Variants in KCNQ4 observed in about 807,000 individuals in gnomAD.
KCNQ4 encodes potassium voltage-gated channel subfamily Q member 4, also known as potassium voltage-gated channel subfamily KQT member 4.
KCNQ4 carries 31 observed loss-of-function variants against 72.6 expected under a neutral mutation model. The observed-to-expected ratio is 0.43, with a 90% CI of 0.32 to 0.58. The LOEUF is 0.58. Among genes scored for constraint, KCNQ4 ranks in the 20% least tolerant of loss-of-function variants. The probability of loss-of-function intolerance (pLI) is 0.08; values close to 1 mark genes in which losing one functional copy is unlikely to be tolerated. For synonymous variants in KCNQ4, 405 were observed against 403.7 expected (o/e 1.00, Z -0.04); for missense variants, 869 against 962.6 (o/e 0.90, Z 1.29).
chr1:40,835,438 G>T (rs1289307286), intron 12 of KCNQ4, among the ~76,000 whole-genome samples: 1 of 152,204 alleles, frequency 6.6e-6, no homozygotes, highest in African/African-American at 2.4e-5. Context: ...CAAGAGAATA[G>T]GCAAATTGTC....
At chr1:40,792,145 G>T (rs531264313) in intron 1 of KCNQ4, among the ~76,000 whole-genome samples, 1 of 152,260 alleles carries the variant, frequency 6.6e-6, no homozygotes, top group African/African-American at 2.4e-5. Flanking sequence ...TGGGAGCCTC[G>T]GGCCTGTCCA....
chr1:40,831,408 G>A, intron 10 of KCNQ4, 104 bp downstream of exon 10: 1 of 905,626 alleles, frequency 1.1e-6, no homozygotes, highest in Non-Finnish European at 1.7e-6. Flanking sequence ...TCTCAGCTCT[G>A]GAACTGATGG....
chr1:40,795,088 T>G (rs1570803140), intron 1 of KCNQ4, among the ~76,000 whole-genome samples: 1 of 152,190 alleles, frequency 6.6e-6, no homozygotes, highest in Non-Finnish European at 1.5e-5. Flanking sequence ...TCCTGGAGGC[T>G]GTGTGATGCC....
At chr1:40,816,308 G>A (rs1570826173) in intron 1 of KCNQ4, among the ~76,000 whole-genome samples, 1 of 152,116 alleles carries the variant, frequency 6.6e-6, no homozygotes, top group Non-Finnish European at 1.5e-5. Flanking sequence ...CACCTCATTC[G>A]CCTCTGCTGT....
intron 7 of KCNQ4, among the ~76,000 whole-genome samples, chr1:40,821,517 T>C (rs867274373): frequency 2.0e-5 from 3 of 152,158 alleles, no homozygotes; most frequent in Non-Finnish European, 2.9e-5. Context: ...CTGTCTGACT[T>C]TCATCCCTCC....
At position 40,784,147 on chromosome 1, in the gene KCNQ4, C is replaced by A; in HGVS notation, c.54C>A (p.Ala18=). Residue 18 remains alanine, a synonymous_variant, in exon 1 of 14, where the codon GCC becomes GCA. Transcript: ENST00000347132. This position sits in a 1 kb window ranked among gnomAD's most constrained non-coding sequence, Gnocchi z 4.1. ...RLGLGPPPGD[A]PRAELVALTA... is the part of the protein sequence containing the mutation. ...GCCTGGGTCCCCCGCCCGGGGACGC[C>A]CCCCGCGCGGAGCTAGTGGCGCTCA... 1 of 1,040,578 alleles carries A rather than the reference C, an allele frequency of 9.6e-7. No individual in the cohort carries two copies. The highest frequency in any genetic ancestry group is 3.1e-5 in the South Asian group (1 of 32,348). The allele number at this position is 1,040,578 out of a possible 1,614,324, so 64.5% of individuals were successfully genotyped here.
chr1:40,833,833 C>CAAA (rs200163500), intron 11 of KCNQ4, among the ~76,000 whole-genome samples: 6 of 100,682 alleles, frequency 6.0e-5, no homozygotes, highest in Non-Finnish European at 8.0e-5. Flanking sequence ...CTTGTCTTTG[C>CAAA]AAAAAAAAAA....
At chr1:40,815,540 G>A (rs993688475) in intron 1 of KCNQ4, among the ~76,000 whole-genome samples, 1 of 152,166 alleles carries the variant, frequency 6.6e-6, no homozygotes, top group Non-Finnish European at 1.5e-5. Flanking sequence ...AACATGAGGA[G>A]CTGGTGCTCT....
intron 1 of KCNQ4, among the ~76,000 whole-genome samples, chr1:40,814,886 C>CT (rs869140466): frequency 5.0e-5 from 5 of 99,612 alleles, no homozygotes; most frequent in Non-Finnish European, 1.2e-4. Context: ...ATCTGCTTTC[C>CT]TTTTTTTTTA....
chr1:40,789,490 G>C (rs1246417053), intron 1 of KCNQ4, among the ~76,000 whole-genome samples: 1 of 152,090 alleles, frequency 6.6e-6, no homozygotes, highest in Non-Finnish European at 1.5e-5. Context: ...CCTTTTGCTT[G>C]GTCTTTGTAA....
rs1304562650 is a variant in KCNQ4, at chr1:40,784,903, T to C, written c.314+496T>C. Among the ~76,000 whole-genome samples the C allele has an allele frequency of 6.6e-6, 1 of 152,196 alleles. No homozygotes were observed. Among genetic ancestry groups the C allele is most frequent in the East Asian group, 1.9e-4 (1 of 5,172 alleles). Reference sequence around the variant, plus strand: ...TCCTCTCCAGGGCGGCCCTCATTCCTACCCCTGCCCAGCTGACTGTGGGTG... The same window carrying C: ...TCCTCTCCAGGGCGGCCCTCATTCCCACCCCTGCCCAGCTGACTGTGGGTG... On this transcript the variant is annotated intron_variant, in intron 1 of 13. Transcript: ENST00000347132. This position sits in a 1 kb window ranked among gnomAD's most constrained non-coding sequence, Gnocchi z 4.1.
chr1:40,835,031 G>A lies in KCNQ4; in HGVS notation c.1678G>A (p.Asp560Asn). 6.2e-7 allele frequency: 1 copy of A among 1,614,158 alleles called. No homozygotes were observed. The part of the protein sequence containing the change: ...KETLRPYDVK[D>N]VIEQYSAGHL... ...GACACTGCGACCGTACGACGTGAAG[G>A]ACGTCATTGAGCAGTACTCAGCAGG... Residue 560 changes from aspartate to asparagine, a missense_variant, in exon 12 of 14, where the codon GAC becomes AAC. By Grantham distance (23) the Asp-to-Asn change is conservative (BLOSUM62 1). Transcript: ENST00000347132.
In KCNQ4 at chr1:40,784,215, C is replaced by T. The variant is rs1647181326; in HGVS notation, c.122C>T (p.Ser41Phe). Reference protein sequence around the residue: ...SEQGEAGGGGSPRRLGLLGSP... With the variant: ...SEQGEAGGGGFPRRLGLLGSP... ...CAGGGCGAGGCGGGCGGGGGCGGCT[C>T]CCCGCGCCGCCTCGGCCTCCTGGGC... The change falls in exon 1 of 14, where the codon TCC becomes TTC. Residue 41 changes from serine to phenylalanine, a missense_variant. Coordinates refer to ENST00000347132, the MANE Select transcript of KCNQ4 (RefSeq NM_004700.4). The surrounding 1 kb of genome is among the most constrained non-coding windows in gnomAD (Gnocchi z 4.1). 8.6e-7 allele frequency: 1 copy of T among 1,163,766 alleles called. No homozygotes were observed. The highest frequency in any genetic ancestry group is 1.1e-6 in the Non-Finnish European group (1 of 949,440). 72.1% of individuals were successfully genotyped at this position (1,163,766 alleles called of 1,614,324 possible). A position where few individuals can be genotyped will look rare whatever the true frequency, so the allele number is the denominator to read the frequency against.
At chr1:40,814,044 GC>G (rs1648009522) in intron 1 of KCNQ4, among the ~76,000 whole-genome samples, 3 of 87,174 alleles carry the variant, frequency 3.4e-5, no homozygotes, top group Admixed American at 2.3e-4. Flanking sequence ...ACTGCGCCCG[GC>G]CTTTTTTTTT....
At chr1:40,789,870 G>T (rs1647246052) in intron 1 of KCNQ4, among the ~76,000 whole-genome samples, 1 of 152,212 alleles carries the variant, frequency 6.6e-6, no homozygotes, top group South Asian at 2.1e-4. Flanking sequence ...AAAAAGGAAG[G>T]CCGAGGCCCT....
At chr1:40,813,526 G>A (rs1447903692) in intron 1 of KCNQ4, among the ~76,000 whole-genome samples, 1 of 152,192 alleles carries the variant, frequency 6.6e-6, no homozygotes, top group African/African-American at 2.4e-5. Context: ...TGGGTAGGCT[G>A]GAGGTGAGGA....
At chr1:40,835,130 G>A (rs754360151) in intron 12 of KCNQ4, 32 bp downstream of exon 12, 1 of 1,606,558 alleles carries the variant, frequency 6.2e-7, no homozygotes, top group South Asian at 1.1e-5. Context: ...GGAGGCAGGG[G>A]CAGGGAGGCA....
chr1:40,815,891 T>G (rs778586312), intron 1 of KCNQ4, among the ~76,000 whole-genome samples: 4 of 152,174 alleles, frequency 2.6e-5, no homozygotes, highest in African/African-American at 4.8e-5. Context: ...CAGGTCTCTC[T>G]GACCCCGAGC....
rs183480971 is a variant in KCNQ4 at position 40,838,697 on chromosome 1, C to T, written c.*174C>T. 83 of 671,716 alleles carry T rather than the reference C, an allele frequency of 1.2e-4. No individual in the cohort carries two copies. The African/African-American group carries it at 1.3e-3, about 10-fold the overall frequency. The allele number at this position is 671,716 out of a possible 1,614,324, so 41.6% of individuals were successfully genotyped here. A position where few individuals can be genotyped will look rare whatever the true frequency, so the allele number is the denominator to read the frequency against. On this transcript the variant is annotated 3_prime_UTR_variant, in exon 14 of 14. Transcript: ENST00000347132. ...GTGGTACCTGCTGTGGGTGCCAGCG[C>T]CCCTTCCCCACCTCAGGAGCGTGAG...
Sources: allele counts gnomAD v4.1 joint callset (sites outside exome capture counted in the v4.1 genomes callset), GRCh38; gene constraint gnomAD v4.1.1; non-coding constraint Gnocchi (gnomAD v3.1); transcripts MANE v1.5; gene names NCBI Gene and HGNC (gene_info 2026-07-23, HGNC 2026-07-21).